FCRL6: variants seen among roughly 807,000 people sequenced by gnomAD.
FCRL6 encodes the protein Fc receptor like 6, also known as Fc receptor-like protein 6.
FCRL6 carries 50 observed loss-of-function variants against 49.1 expected under a neutral mutation model. The ratio of observed to expected loss-of-function variants is 1.02; its 90% CI spans 0.81 to 1.29. The LOEUF (loss-of-function observed/expected upper bound fraction) is 1.29, where lower values mean the gene tolerates loss of function less well. Ranked by LOEUF, FCRL6 falls within the 50% of genes most tolerant of loss-of-function variation. The probability of loss-of-function intolerance (pLI) is 0.00; values close to 1 mark genes in which losing one functional copy is unlikely to be tolerated. For missense variants in FCRL6, 571 were observed against 518.5 expected, an observed-to-expected ratio of 1.10 and a Z score of -0.98; for synonymous variants, 213 against 199.6, an observed-to-expected ratio of 1.07 and a Z score of -0.57.
rs1557880271 is a variant in FCRL6, at chr1:159,815,439, G to A, written c.1159G>A (p.Glu387Lys). The change falls in exon 9 of 10, where the codon GAG (glutamate) becomes AAG (lysine). Residue 387 changes from glutamate to lysine, a missense_variant. Physicochemically the swap from Glu to Lys is moderately conservative, Grantham distance 56. Coordinates refer to ENST00000368106, the MANE Select transcript of FCRL6 (RefSeq NM_001004310.3). ...TSKRSEARSAEFTVGRKDSSI... is the reference protein window; with the variant it reads ...TSKRSEARSAKFTVGRKDSSI... ...TTCTTTCCCCACAGCCAGGTCTGCTGAGTTCACCGTGGGGAGAAAGGTGAG... is the reference window on the plus strand; with the variant it reads ...TTCTTTCCCCACAGCCAGGTCTGCTAAGTTCACCGTGGGGAGAAAGGTGAG... 6.2e-7 allele frequency: 1 copy of A among 1,614,058 alleles called. No individual in the cohort carries two copies. The highest frequency in any genetic ancestry group is 8.5e-7 in the Non-Finnish European group (1 of 1,179,924).
At position 159,816,053 on chromosome 1, in the gene FCRL6, G is replaced by A. The variant is rs1663384237; in HGVS notation, c.*392G>A. ...TACACAACAGTGGTCCCATAAGACT[G>A]TAATGGAGTTTAAAAATTCCTACTG... On this transcript the variant is annotated 3_prime_UTR_variant, in exon 10 of 10. Coordinates refer to ENST00000368106, the MANE Select transcript of FCRL6 (RefSeq NM_001004310.3). 1 of 189,748 alleles carries A rather than the reference G, an allele frequency of 5.3e-6. No individual in the cohort carries two copies. Among genetic ancestry groups the A allele is most frequent in the Non-Finnish European group, 1.1e-5 (1 of 88,576 alleles). The allele number at this position is 189,748 out of a possible 1,614,324, so 11.8% of individuals were successfully genotyped here. A position where few individuals can be genotyped will look rare whatever the true frequency, so the allele number is the denominator to read the frequency against.
At chr1:159,809,983 G>T in intron 5 of FCRL6, 111 bp from the exon 6 acceptor site, 1 of 1,364,964 alleles carries the variant, frequency 7.3e-7, no homozygotes, top group East Asian at 2.3e-5. Context: ...GCTCCCCCAG[G>T]CCAGACGGTT....
rs777904668 is a variant in FCRL6 at position 159,809,660 on chromosome 1, A to G, written c.863A>G (p.Glu288Gly). 6.2e-7 allele frequency: 1 copy of G among 1,614,108 alleles called. No individual in the cohort carries two copies. Among genetic ancestry groups the G allele is most frequent in the Non-Finnish European group, 8.5e-7 (1 of 1,180,000 alleles). Residue 288 changes from glutamate (E) to glycine (G), a missense_variant, in exon 5 of 10, where the codon GAG (glutamate) becomes GGG (glycine). Transcript: ENST00000368106. The stretch of plus-strand genomic sequence containing the variant: ...AACAGTGTCTCCAGAGAGAGGAGTG[A>G]GCCCAAGAAGCTGTCTCTGAAGGGT... ...AENSVSRERS[E>G]PKKLSLKGSQ...
In FCRL6 at chr1:159,808,929, C is replaced by T. The variant is rs369915512; in HGVS notation, c.320-32C>T. 6 of 1,545,400 alleles carry T rather than the reference C, an allele frequency of 3.9e-6. No individual in the cohort carries two copies. The Admixed American group carries it at 9.8e-5, about 25-fold the overall frequency. On this transcript the variant is annotated intron_variant, in intron 3 of 9. Transcript: ENST00000368106. The stretch of plus-strand genomic sequence containing the variant: ...CCTGGGGCTTCATCATCCAGGACTC[C>T]CCTCCTGAGTCCTGGGCCTGCATCT...
At chr1:159,812,492 A>G (rs1320496439) in intron 6 of FCRL6, among the ~76,000 whole-genome samples, 1 of 152,260 alleles carries the variant, frequency 6.6e-6, no homozygotes, top group Non-Finnish European at 1.5e-5. Context: ...ACTCACCTGC[A>G]TGTACAGGTT....
intron 5 of FCRL6, 45 bp downstream of exon 5, chr1:159,809,728 C>T: frequency 6.4e-7 from 1 of 1,561,410 alleles, no homozygotes; most frequent in African/African-American, 1.3e-5. Flanking sequence ...AGCAAGCTGG[C>T]AGGGGTCAGA....
At chr1:159,808,561 C>T (rs755537292) in intron 3 of FCRL6, 117 bp downstream of exon 3, 3 of 1,319,438 alleles carry the variant, frequency 2.3e-6, no homozygotes, top group Non-Finnish European at 3.2e-6. Context: ...CATGCTGGGC[C>T]AATGTGTGGG....
At chr1:159,810,698 T>C (rs1663041247) in intron 6 of FCRL6, among the ~76,000 whole-genome samples, 2 of 152,204 alleles carry the variant, frequency 1.3e-5, no homozygotes, top group Admixed American at 6.5e-5. Flanking sequence ...CACACTCATC[T>C]TGTACAGTAC....
At chr1:159,814,416 G>C in intron 8 of FCRL6, 124 bp downstream of exon 8, 1 of 696,146 alleles carries the variant, frequency 1.4e-6, no homozygotes, top group East Asian at 2.7e-5. Context: ...CTATCACCAA[G>C]ACCATCATAT....
rs372370425 is a variant in FCRL6, at chr1:159,803,167, T to C, written c.31+712T>C. Among the ~76,000 whole-genome samples, 106 of 152,310 alleles carry C rather than the reference T, an allele frequency of 7.0e-4. 4 individuals are homozygous for C. The South Asian group carries it at 0.019, about 28-fold the overall frequency. ...CTCCATTTCTTCTCATGCAGGCTAC[T>C]TGTAACTAAGAGAGCTGGTCTAAGG... On this transcript the variant is annotated intron_variant, in intron 1 of 9. Transcript: ENST00000368106.
chr1:159,808,537 C>T (rs758761050), intron 3 of FCRL6, 93 bp downstream of exon 3: 11 of 1,479,606 alleles, frequency 7.4e-6, no homozygotes, highest in African/African-American at 1.4e-5. Flanking sequence ...GGACCCCTGT[C>T]TCTGGCTGCC....
At chr1:159,803,125 GTCTC>G (rs1285431647) in intron 1 of FCRL6, among the ~76,000 whole-genome samples, 1 of 151,898 alleles carries the variant, frequency 6.6e-6, no homozygotes, top group Admixed American at 6.6e-5. Context: ...TCTGATCCAT[GTCTC>G]TCTCTCTCTT....
intron 6 of FCRL6, among the ~76,000 whole-genome samples, chr1:159,811,090 C>T (rs12093231): frequency 0.011 from 1,615 of 152,284 alleles, 32 homozygotes; most frequent in African/African-American, 0.037. Flanking sequence ...ATCAGATAAA[C>T]GACATTTCAA....
At chr1:159,806,518 T>C in intron 1 of FCRL6, 78 bp from the exon 2 acceptor site, 6 of 1,315,866 alleles carry the variant, frequency 4.6e-6, no homozygotes, top group Non-Finnish European at 3.3e-6. Context: ...TAAGTCCCCA[T>C]TGCTGAAGTG....
chr1:159,809,335 C>T, intron 4 of FCRL6, 67 bp from the exon 5 acceptor site: 4 of 1,532,250 alleles, frequency 2.6e-6, no homozygotes, highest in South Asian at 2.6e-5. Context: ...GGGAAGGGTC[C>T]CCAGGAGAGG....
chr1:159,801,695 G>A (rs187581274), upstream of FCRL6, among the ~76,000 whole-genome samples: 2 of 152,096 alleles, frequency 1.3e-5, no homozygotes, highest in African/African-American at 4.8e-5. Context: ...TTTCTTCTGT[G>A]GGCCCTTTGT....
At position 159,809,504 on chromosome 1, in the gene FCRL6, C is replaced by T. The variant is rs372891222; in HGVS notation, c.707C>T (p.Pro236Leu). The change falls in exon 5 of 10, where the codon CCG (proline) becomes CTG (leucine). Residue 236 changes from proline (P) to leucine (L), a missense_variant. By Grantham distance (98) the Pro-to-Leu change is moderately conservative. Coordinates refer to ENST00000368106, the MANE Select transcript of FCRL6 (RefSeq NM_001004310.3). The part of the protein sequence containing the change: ...LLCEAQRGSP[P>L]ILYSFYLDEK... Reference sequence around the variant, plus strand: ...TGTGAGGCACAGAGGGGCTCCCCTCCGATCCTGTATTCCTTCTACCTTGAT... The same window carrying T: ...TGTGAGGCACAGAGGGGCTCCCCTCTGATCCTGTATTCCTTCTACCTTGAT... 6.1e-5 allele frequency: 98 copies of T among 1,614,054 alleles called. No individual in the cohort carries two copies. The highest frequency in any genetic ancestry group is 1.6e-4 in the Middle Eastern group (1 of 6,084).
Position 159,812,466 on chromosome 1 carries a change from T to C in FCRL6, c.1010-1023T>C, listed in dbSNP as rs553966716. 6.6e-5 allele frequency among the ~76,000 whole-genome samples: 10 copies of C among 152,296 alleles called. No homozygotes were observed. In the South Asian group the frequency reaches 2.1e-3, roughly 32 times the overall value. On this transcript the variant is annotated intron_variant, in intron 6 of 9. Transcript: ENST00000368106. ...AACAAGGATATGGTCATGCAAGGGG[T>C]CCACTTCAAAGTAGCACTCACCTGC...
chr1:159,809,267 G>A, intron 4 of FCRL6, 22 bp downstream of exon 4: 1 of 1,533,962 alleles, frequency 6.5e-7, no homozygotes, highest in Non-Finnish European at 8.7e-7. Context: ...AGAGAGTGGA[G>A]ATGCCCCCAG....
Sources: gnomAD v4.1 joint callset for allele counts (sites outside exome capture counted in the v4.1 genomes callset) on GRCh38, gnomAD v4.1.1 for gene constraint, MANE v1.5 for transcripts, NCBI Gene and HGNC (gene_info 2026-07-23, HGNC 2026-07-21) for gene names.